Variants in NAV2 observed in about 807,000 individuals in gnomAD.
The protein encoded by NAV2 is neuron navigator 2.
A neutral mutation model predicts 223.2 loss-of-function variants in NAV2; 54 were observed. The ratio of observed to expected loss-of-function variants is 0.24; its 90% CI spans 0.19 to 0.30. The LOEUF is 0.30. Ranked by LOEUF, NAV2 falls within the 10% of genes least tolerant of loss-of-function variation. The pLI is 1.00. For synonymous variants in NAV2, 1,279 were observed against 1,239.3 expected, an observed-to-expected ratio of 1.03 and a Z score of -0.67; for missense variants, 2,806 against 3,147.5, an observed-to-expected ratio of 0.89 and a Z score of 2.60.
intron 1 of NAV2, among the ~76,000 whole-genome samples, chr11:19,627,448 G>T (rs1173093679): frequency 6.6e-6 from 1 of 152,078 alleles, no homozygotes; most frequent in South Asian, 2.1e-4. Context: ...TTGGCTTTGG[G>T]GTTGTTTAGG....
At chr11:19,549,574 C>T (rs1418690395) in intron 1 of NAV2, among the ~76,000 whole-genome samples, 2 of 152,316 alleles carry the variant, frequency 1.3e-5, no homozygotes, top group East Asian at 1.9e-4. Context: ...TCCTACCAAT[C>T]GTATGGCAAA....
chr11:19,968,267 G>A (rs572081601), intron 10 of NAV2, among the ~76,000 whole-genome samples: 44 of 152,218 alleles, frequency 2.9e-4, no homozygotes, highest in African/African-American at 7.7e-4. Context: ...GCGCAATCTC[G>A]GCTCACTGCA....
chr11:19,582,509 T>G (rs966264952), intron 1 of NAV2, among the ~76,000 whole-genome samples: 1 of 152,272 alleles, frequency 6.6e-6, no homozygotes, highest in Non-Finnish European at 1.5e-5. Context: ...GCCTAACATT[T>G]AAGTCTTTAA....
At chr11:19,611,584 A>T (rs1268377446) in intron 1 of NAV2, among the ~76,000 whole-genome samples, 1 of 152,244 alleles carries the variant, frequency 6.6e-6, no homozygotes, top group Non-Finnish European at 1.5e-5. Flanking sequence ...GGGGTTACCC[A>T]TGCAAGTCCA....
chr11:20,019,204 G>C (rs780665386), intron 11 of NAV2, among the ~76,000 whole-genome samples: 1 of 152,204 alleles, frequency 6.6e-6, no homozygotes, highest in Admixed American at 6.5e-5. Context: ...TCTGTTGCAG[G>C]AAAGAGATGA....
intron 1 of NAV2, among the ~76,000 whole-genome samples, chr11:19,370,462 A>C (rs1848432591): frequency 1.3e-5 from 2 of 152,234 alleles, no homozygotes; most frequent in Non-Finnish European, 2.9e-5. Context: ...TCTGATGTGG[A>C]AGACTCTGAG....
At chr11:19,786,344 G>A (rs1272374052) in intron 1 of NAV2, among the ~76,000 whole-genome samples, 3 of 152,144 alleles carry the variant, frequency 2.0e-5, no homozygotes, top group Non-Finnish European at 2.9e-5. Flanking sequence ...ATCAGCACTG[G>A]GAAGTCAGCA....
chr11:20,068,307 TCC>T lies in NAV2; in HGVS notation c.4909-15_4909-14del, dbSNP rs755120779. 23 of 1,613,682 alleles carry T rather than the reference TCC, an allele frequency of 1.4e-5. No individual in the cohort carries two copies. In the African/African-American group the frequency reaches 2.5e-4, roughly 18 times the overall value. ...TGGACCCCCAAAGCATGTAACCCTC[TCC>T]CTTGTCATCTTTAGATTCGCAAGCT... On this transcript the variant is annotated splice_polypyrimidine_tract_variant and intron_variant, in intron 21 of 37. Coordinates refer to ENST00000349880, the MANE Select transcript of NAV2 (RefSeq NM_145117.5).
intron 1 of NAV2, among the ~76,000 whole-genome samples, chr11:19,627,014 C>T (rs924788940): frequency 5.3e-5 from 8 of 152,200 alleles, no homozygotes; most frequent in Non-Finnish European, 8.8e-5. Flanking sequence ...TGATCTGGCA[C>T]ATAGTTTACC....
chr11:20,056,034 T>C, intron 19 of NAV2, 77 bp downstream of exon 19: 4 of 1,381,540 alleles, frequency 2.9e-6, no homozygotes, highest in Non-Finnish European at 9.8e-7. Flanking sequence ...GGGTCCTCTA[T>C]GCTAAGTTCA....
intron 1 of NAV2, among the ~76,000 whole-genome samples, chr11:19,378,689 C>G (rs1848728036): frequency 6.6e-6 from 1 of 152,060 alleles, no homozygotes; most frequent in East Asian, 1.9e-4. Context: ...TGCCAGTGCT[C>G]TAGGTGTCAA....
intron 6 of NAV2, among the ~76,000 whole-genome samples, chr11:19,917,761 C>T (rs563438913): frequency 6.6e-6 from 1 of 152,240 alleles, no homozygotes; most frequent in South Asian, 2.1e-4. Context: ...TACAGGTACT[C>T]GCCACTACCC....
chr11:19,532,612 C>A (rs573170877), intron 1 of NAV2, among the ~76,000 whole-genome samples: 2 of 152,110 alleles, frequency 1.3e-5, no homozygotes, highest in Non-Finnish European at 2.9e-5. Flanking sequence ...AATGAGGCAA[C>A]TGAGGCCAAA....
At chr11:19,879,568 G>A (rs552192397) in intron 4 of NAV2, among the ~76,000 whole-genome samples, 1 of 152,278 alleles carries the variant, frequency 6.6e-6, no homozygotes, top group African/African-American at 2.4e-5. Context: ...CCTGCCTGTA[G>A]AACAAGCACG....
chr11:19,349,931 A>G (rs1853210631), upstream of NAV2, among the ~76,000 whole-genome samples: 2 of 152,020 alleles, frequency 1.3e-5, no homozygotes, highest in South Asian at 4.2e-4. Flanking sequence ...CCCTGAGACA[A>G]TCTCGGCTGC....
At chr11:19,385,753 CTTT>C (rs201669772) in intron 1 of NAV2, among the ~76,000 whole-genome samples, 1 of 112,770 alleles carries the variant, frequency 8.9e-6, no homozygotes, top group African/African-American at 3.8e-5. Context: ...AATATAGCTC[CTTT>C]TTTTTTTTTT....
chr11:19,853,909 CAG>C (rs1420569856), intron 3 of NAV2, among the ~76,000 whole-genome samples: 1 of 152,154 alleles, frequency 6.6e-6, no homozygotes, highest in Non-Finnish European at 1.5e-5. Context: ...GATGCTCACT[CAG>C]TGAATGTTTA....
At chr11:19,841,662 G>A (rs1362162329) in intron 2 of NAV2, among the ~76,000 whole-genome samples, 1 of 152,164 alleles carries the variant, frequency 6.6e-6, no homozygotes, top group African/African-American at 2.4e-5. Flanking sequence ...AGGCCTGAGT[G>A]TATCTTTCCC....
intron 1 of NAV2, among the ~76,000 whole-genome samples, chr11:19,688,396 G>A (rs2049080486): frequency 6.6e-6 from 1 of 152,176 alleles, no homozygotes; most frequent in African/African-American, 2.4e-5. Context: ...ACCCCACTGA[G>A]TGAGAAGCTG....
Sources: gnomAD v4.1 joint callset for allele counts (sites outside exome capture counted in the v4.1 genomes callset) on GRCh38, gnomAD v4.1.1 for gene constraint, MANE v1.5 for transcripts, NCBI Gene and HGNC (gene_info 2026-07-23, HGNC 2026-07-21) for gene names.